Variants in ARHGAP20 observed in about 807,000 individuals in gnomAD.
ARHGAP20 encodes the protein Rho GTPase activating protein 20.
A neutral mutation model predicts 73.7 loss-of-function variants in ARHGAP20; 34 were observed. The ratio of observed to expected loss-of-function variants is 0.46; its 90% CI spans 0.35 to 0.61. The LOEUF (loss-of-function observed/expected upper bound fraction) is 0.61, where lower values mean the gene tolerates loss of function less well. Ranked by LOEUF, ARHGAP20 falls within the 20% of genes least tolerant of loss-of-function variation. The pLI is 0.00. For synonymous variants in ARHGAP20, 523 were observed against 518.2 expected, an observed-to-expected ratio of 1.01 and a Z score of -0.13; for missense variants, 1,314 against 1,420.9, an observed-to-expected ratio of 0.92 and a Z score of 1.21.
Position 110,614,583 on chromosome 11 carries a change from T to C in ARHGAP20, c.608A>G (p.Lys203Arg). The C allele has an allele frequency of 6.2e-7, 1 of 1,613,362 alleles. No homozygotes were observed. The highest frequency in any genetic ancestry group is 8.5e-7 in the Non-Finnish European group (1 of 1,179,614). The change falls in exon 6 of 15, where the codon AAG becomes AGG. Residue 203 changes from lysine to arginine, a missense_variant. Physicochemically the swap from Lys to Arg is conservative, Grantham distance 26 (BLOSUM62 2). Coordinates refer to ENST00000683387, the MANE Select transcript of ARHGAP20 (RefSeq NM_001384657.1). ...TACGTAGGCACAATTCCCAATGTCC[T>C]TGGCGAAGATTTTGAGGGGAATGCT... ...PKSIPLKIFA[K>R]DIGNCAYSKT...
intron 2 of ARHGAP20, among the ~76,000 whole-genome samples, chr11:110,641,623 C>T (rs1949080447): frequency 6.6e-6 from 1 of 151,936 alleles, no homozygotes; most frequent in African/African-American, 2.4e-5. Context: ...TCCCCCCCAA[C>T]CCTCAGAGGC....
intron 2 of ARHGAP20, among the ~76,000 whole-genome samples, chr11:110,666,169 G>T (rs529365966): frequency 1.3e-5 from 2 of 152,096 alleles, no homozygotes; most frequent in South Asian, 4.1e-4. Flanking sequence ...ACAAAAATGT[G>T]CAAGACATTG....
intron 3 of ARHGAP20, among the ~76,000 whole-genome samples, chr11:110,625,879 A>C (rs1428507409): frequency 6.6e-6 from 1 of 152,206 alleles, no homozygotes; most frequent in Non-Finnish European, 1.5e-5. Context: ...CCTTATATGG[A>C]AGTATCCCTA....
At chr11:110,612,964 G>C (rs1208335555) in intron 6 of ARHGAP20, among the ~76,000 whole-genome samples, 1 of 152,104 alleles carries the variant, frequency 6.6e-6, no homozygotes, top group Admixed American at 6.5e-5. Flanking sequence ...TTTAAATTGA[G>C]AGATAATTTT....
rs746567328 is a variant in ARHGAP20 at position 110,592,127 on chromosome 11, TCTC to T, written c.990_992del (p.Arg332del). The T allele has an allele frequency of 8.1e-6, 13 of 1,614,048 alleles. No individual in the cohort carries two copies. The Admixed American group carries it at 1.7e-4, about 21-fold the overall frequency. ...AGAAGGCCCAGTTTATGATAGATCT[TCTC>T]CTTTTAAATGTCTTATGACCTGAAT... On this transcript the variant is annotated inframe_deletion, in exon 10 of 15. Transcript: ENST00000683387.
At chr11:110,643,585 C>A (rs947119969) in intron 2 of ARHGAP20, among the ~76,000 whole-genome samples, 3 of 151,946 alleles carry the variant, frequency 2.0e-5, no homozygotes, top group Non-Finnish European at 4.4e-5. Context: ...TTTGAGAAAT[C>A]TTCTTGATAC....
At chr11:110,589,541 G>A (rs1947767734) in intron 11 of ARHGAP20, 2 of 985,306 alleles carry the variant, frequency 2.0e-6, no homozygotes, top group South Asian at 4.7e-5. Flanking sequence ...CCTAGCTCTG[G>A]TGCATTCCAA....
chr11:110,691,160 A>G lies in ARHGAP20; in HGVS notation c.106-531T>C, dbSNP rs2290151. On this transcript the variant is annotated intron_variant, in intron 1 of 14. Coordinates refer to ENST00000683387, the MANE Select transcript of ARHGAP20 (RefSeq NM_001384657.1). ...CTTCTTCCAAATAGACTTTTTTAAA[A>G]CTGTAACTTCAAACAATAAAAAAAT... 8.7e-5 allele frequency: 43 copies of G among 494,624 alleles called. No individual in the cohort carries two copies. The East Asian group carries it at 1.4e-3, about 16-fold the overall frequency. 30.6% of individuals were successfully genotyped at this position (494,624 alleles called of 1,614,324 possible).
At chr11:110,632,382 A>T (rs1948877520) in intron 2 of ARHGAP20, among the ~76,000 whole-genome samples, 1 of 152,056 alleles carries the variant, frequency 6.6e-6, no homozygotes, top group African/African-American at 2.4e-5. Flanking sequence ...AGTTTAGTGG[A>T]TGTACAGTAG....
intron 2 of ARHGAP20, among the ~76,000 whole-genome samples, chr11:110,633,171 G>T (rs572199527): frequency 1.3e-5 from 2 of 152,116 alleles, no homozygotes; most frequent in Admixed American, 1.3e-4. Context: ...TAGAGGGCCA[G>T]GTTCATTTTT....
intron 2 of ARHGAP20, among the ~76,000 whole-genome samples, chr11:110,634,994 TC>T (rs1013947371): frequency 6.6e-6 from 1 of 151,992 alleles, no homozygotes; most frequent in Non-Finnish European, 1.5e-5. Flanking sequence ...AACAAGTATT[TC>T]TCGGGGTCTC....
In ARHGAP20 at chr11:110,678,339, T is replaced by C. The variant is rs183841627; in HGVS notation, c.188+12208A>G. On this transcript the variant is annotated intron_variant, in intron 2 of 14. Coordinates refer to ENST00000683387, the MANE Select transcript of ARHGAP20 (RefSeq NM_001384657.1). ...TAGTAAAAACCACTGAAGTGTACAC[T>C]TTTAACTGGTGAATTATACCATAAG... Among the ~76,000 whole-genome samples the C allele has an allele frequency of 5.9e-5, 9 of 152,322 alleles. No individual in the cohort carries two copies. In the East Asian group the frequency reaches 1.7e-3, roughly 29 times the overall value.
At chr11:110,666,044 C>T (rs1375172075) in intron 2 of ARHGAP20, among the ~76,000 whole-genome samples, 3 of 151,916 alleles carry the variant, frequency 2.0e-5, no homozygotes, top group African/African-American at 7.3e-5. Flanking sequence ...CATATATATA[C>T]ATATACACAC....
chr11:110,614,520 C>A lies in ARHGAP20; in HGVS notation c.630+41G>T, dbSNP rs754862181. On this transcript the variant is annotated intron_variant, in intron 6 of 14. Coordinates refer to ENST00000683387, the MANE Select transcript of ARHGAP20 (RefSeq NM_001384657.1). ...CTTATCCGTAGTGTTCTGTCTTATGCAGGGACTTGGAATTTAATTTTCTGG... is the reference window on the plus strand; with the variant it reads ...CTTATCCGTAGTGTTCTGTCTTATGAAGGGACTTGGAATTTAATTTTCTGG... 3 of 1,542,770 alleles carry A rather than the reference C, an allele frequency of 1.9e-6. No individual in the cohort carries two copies. In the East Asian group the frequency reaches 6.7e-5, roughly 35 times the overall value.
At chr11:110,667,790 G>A (rs1949753979) in intron 2 of ARHGAP20, among the ~76,000 whole-genome samples, 1 of 152,186 alleles carries the variant, frequency 6.6e-6, no homozygotes, top group Non-Finnish European at 1.5e-5. Context: ...CAACCCTCAT[G>A]GATGACTTTG....
At chr11:110,678,687 G>A (rs776563983) in intron 2 of ARHGAP20, among the ~76,000 whole-genome samples, 2 of 151,746 alleles carry the variant, frequency 1.3e-5, no homozygotes, top group Non-Finnish European at 2.9e-5. Flanking sequence ...TCTGAGACAG[G>A]GTCTCATTCT....
chr11:110,660,282 C>A (rs1439737746), intron 2 of ARHGAP20, among the ~76,000 whole-genome samples: 1 of 152,036 alleles, frequency 6.6e-6, no homozygotes, highest in African/African-American at 2.4e-5. Context: ...GATCACTACC[C>A]TAGGAAGCTT....
intron 6 of ARHGAP20, among the ~76,000 whole-genome samples, chr11:110,612,967 ATAATTT>A (rs1442058709): frequency 6.6e-6 from 1 of 152,186 alleles, no homozygotes; most frequent in Non-Finnish European, 1.5e-5. Context: ...AAATTGAGAG[ATAATTT>A]TTAAAAAGGC....
Position 110,579,156 on chromosome 11 carries a change from A to G in ARHGAP20, c.*214T>C. On this transcript the variant is annotated 3_prime_UTR_variant, in exon 15 of 15. Transcript: ENST00000683387. Reference sequence around the variant, plus strand: ...GGACCAATCCCAACCTTTAATAAGAAAAAGCCTCCCAAACACTTAGGTGAC... The same window carrying G: ...GGACCAATCCCAACCTTTAATAAGAGAAAGCCTCCCAAACACTTAGGTGAC... 5 of 1,228,170 alleles carry G rather than the reference A, an allele frequency of 4.1e-6. No homozygotes were observed. Among genetic ancestry groups the G allele is most frequent in the Non-Finnish European group, 4.1e-6 (4 of 978,808 alleles). 76.1% of individuals were successfully genotyped at this position (1,228,170 alleles called of 1,614,324 possible).
Sources: gnomAD v4.1 joint callset for allele counts (sites outside exome capture counted in the v4.1 genomes callset) on GRCh38, gnomAD v4.1.1 for gene constraint, MANE v1.5 for transcripts, NCBI Gene and HGNC (gene_info 2026-07-23, HGNC 2026-07-21) for gene names.